RASSF6: variants seen among roughly 807,000 people sequenced by gnomAD.
RASSF6 encodes the protein ras association domain-containing protein 6.
In RASSF6, 52 loss-of-function variants were observed where a neutral mutation model predicts 44.0. That is an observed-to-expected ratio of 1.18 (90% CI 0.95 to 1.49). RASSF6 has a LOEUF of 1.49. RASSF6 is among the 40% of genes most tolerant of loss of function. The pLI is 0.00. For synonymous variants in RASSF6, 162 were observed against 124.6 expected (o/e 1.30, Z -2.00); for missense variants, 464 against 393.3 (o/e 1.18, Z -1.52).
intron 2 of RASSF6, among the ~76,000 whole-genome samples, chr4:73,607,110 C>T (rs1257817682): frequency 6.6e-6 from 1 of 152,352 alleles, no homozygotes; most frequent in Non-Finnish European, 1.5e-5. Flanking sequence ...CTCCTTGCTG[C>T]TATTCAGAGG....
intron 3 of RASSF6, among the ~76,000 whole-genome samples, chr4:73,595,506 C>CTT (rs2149382554): frequency 6.6e-6 from 1 of 152,256 alleles, no homozygotes; most frequent in East Asian, 1.9e-4. Context: ...ACCTGAATAA[C>CTT]TTTTGTATTA....
chr4:73,581,877 G>C lies in RASSF6; in HGVS notation c.670-9C>G. On this transcript the variant is annotated splice_polypyrimidine_tract_variant and intron_variant, in intron 7 of 10. Coordinates refer to ENST00000307439, the MANE Select transcript of RASSF6 (RefSeq NM_177532.5). Reference sequence around the variant, plus strand: ...TGGGGACTATTTTCAATCTGTCAAGGGAAAAAATGAACAAATATAAATTCT... The same window carrying C: ...TGGGGACTATTTTCAATCTGTCAAGCGAAAAAATGAACAAATATAAATTCT... 1 of 1,602,224 alleles carries C rather than the reference G, an allele frequency of 6.2e-7. No homozygotes were observed. The highest frequency in any genetic ancestry group is 8.5e-7 in the Non-Finnish European group (1 of 1,171,020).
intron 3 of RASSF6, among the ~76,000 whole-genome samples, chr4:73,596,898 G>A (rs1416270119): frequency 6.6e-6 from 1 of 152,168 alleles, no homozygotes; most frequent in African/African-American, 2.4e-5. Context: ...AATAAATGGT[G>A]CTCGGATAAC....
chr4:73,595,027 A>C (rs16849727), intron 3 of RASSF6, among the ~76,000 whole-genome samples: 95,636 of 152,042 alleles, frequency 0.63, 31,460 homozygotes, highest in East Asian at 0.88. Flanking sequence ...TTGTCATCCA[A>C]GGACTGCCCC....
chr4:73,588,720 G>C (rs1297376034), intron 4 of RASSF6, among the ~76,000 whole-genome samples: 3 of 151,746 alleles, frequency 2.0e-5, no homozygotes, highest in African/African-American at 7.3e-5. Flanking sequence ...TTGAATCAGT[G>C]CCCTGAAAAT....
chr4:73,613,243 A>G (rs185434846), intron 1 of RASSF6, among the ~76,000 whole-genome samples: 35 of 152,226 alleles, frequency 2.3e-4, no homozygotes, highest in African/African-American at 8.2e-4. Context: ...CACCTGGAGG[A>G]CTCATACCAG....
chr4:73,607,058 C>A (rs1333143727), intron 2 of RASSF6, among the ~76,000 whole-genome samples: 1 of 152,170 alleles, frequency 6.6e-6, no homozygotes, highest in Non-Finnish European at 1.5e-5. Context: ...ATGACTTTCA[C>A]CACTGGTTAT....
At chr4:73,615,353 A>G (rs1726285932) in intron 1 of RASSF6, among the ~76,000 whole-genome samples, 1 of 8,686 alleles carries the variant, frequency 1.2e-4, no homozygotes, top group South Asian at 0.021. Context: ...AATTATAAAG[A>G]CTTGGTAGAT....
intron 3 of RASSF6, among the ~76,000 whole-genome samples, 162 bp from the exon 4 acceptor site, chr4:73,593,755 T>C (rs927305469): frequency 3.3e-5 from 5 of 152,252 alleles, no homozygotes; most frequent in Non-Finnish European, 1.5e-5. Context: ...AAAGCAATTC[T>C]ATTTTTGAAA....
chr4:73,598,559 C>G, intron 3 of RASSF6, 81 bp downstream of exon 3: 1 of 660,228 alleles, frequency 1.5e-6, no homozygotes, highest in Non-Finnish European at 2.4e-6. Flanking sequence ...TCACCTGTTT[C>G]TTCCAGAATT....
chr4:73,595,218 A>G (rs1724848819), intron 3 of RASSF6, among the ~76,000 whole-genome samples: 4 of 152,164 alleles, frequency 2.6e-5, no homozygotes, highest in Admixed American at 6.5e-5. Context: ...TGTGTGTGAC[A>G]GAGTCTCGCT....
chr4:73,576,007 T>C lies in RASSF6; in HGVS notation c.*228A>G. ...TAAAAGCTATTTGGCATATGCAGTA[T>C]TCAAGCTTATTTCAGTTACTGAAAC... On this transcript the variant is annotated 3_prime_UTR_variant, in exon 11 of 11. Transcript: ENST00000307439. 2.5e-6 allele frequency: 1 copy of C among 403,434 alleles called. No homozygotes were observed. The highest frequency in any genetic ancestry group is 4.0e-5 in the East Asian group (1 of 25,182). 25.0% of individuals were successfully genotyped at this position (403,434 alleles called of 1,614,324 possible). A position where few individuals can be genotyped will look rare whatever the true frequency, so the allele number is the denominator to read the frequency against.
chr4:73,576,490 G>A lies in RASSF6; in HGVS notation c.858C>T (p.Asn286=), dbSNP rs1325529971. 1.3e-6 allele frequency: 2 copies of A among 1,578,458 alleles called. No homozygotes were observed. Among genetic ancestry groups the A allele is most frequent in the African/African-American group, 2.7e-5 (2 of 73,372 alleles). ...TGGATTCCAAGAGAGAAAAGTGAAA[G>A]TTAATGTACTGAGCCACCTAAGAAA... ...EISSDVAQYI[N]FHFSLLESIL... is the part of the protein sequence containing the mutation. Residue 286 remains asparagine, a synonymous_variant, in exon 10 of 11, where the codon AAC becomes AAT. Coordinates refer to ENST00000307439, the MANE Select transcript of RASSF6 (RefSeq NM_177532.5).
intron 6 of RASSF6, among the ~76,000 whole-genome samples, chr4:73,583,863 TG>T: frequency 6.6e-6 from 1 of 152,230 alleles, no homozygotes; most frequent in Non-Finnish European, 1.5e-5. Context: ...TCAGCAAGAA[TG>T]TAAAACCAGG....
At chr4:73,598,576 G>GTC (rs869222369) in intron 3 of RASSF6, 64 bp downstream of exon 3, 5 of 769,838 alleles carry the variant, frequency 6.5e-6, no homozygotes, top group Admixed American at 2.9e-5. Context: ...AATTGTGTGT[G>GTC]TGTGTGTGTG....
At chr4:73,599,259 C>T (rs1456518821) in intron 2 of RASSF6, among the ~76,000 whole-genome samples, 2 of 152,200 alleles carry the variant, frequency 1.3e-5, no homozygotes, top group East Asian at 1.9e-4. Flanking sequence ...AAGGCAACCA[C>T]AGAAGTCAAA....
rs1302040336 is a variant in RASSF6 at position 73,580,798 on chromosome 4, G to A, written c.721+1019C>T. ...GCTCTTTGTCAGATGAGTAGGTTGC[G>A]AAAATTTCCTCCCATTTTGTAGGTT... On this transcript the variant is annotated intron_variant, in intron 8 of 10. Transcript: ENST00000307439. 1.9e-4 allele frequency among the ~76,000 whole-genome samples: 16 copies of A among 83,010 alleles called. 4 individuals are homozygous for A. The highest frequency in any genetic ancestry group is 1.4e-3 in the Admixed American group (14 of 10,010). The allele number at this position is 83,010 out of a possible 152,430, so 54.5% of individuals were successfully genotyped here. A position where few individuals can be genotyped will look rare whatever the true frequency, so the allele number is the denominator to read the frequency against.
At chr4:73,576,830 GA>G (rs966894333) in intron 8 of RASSF6, 99 bp from the exon 9 acceptor site, 17 of 759,518 alleles carry the variant, frequency 2.2e-5, no homozygotes, top group Non-Finnish European at 3.4e-5. Flanking sequence ...AACTCACTTT[GA>G]AAAAAATAAC....
At chr4:73,602,005 G>T (rs1015931586) in intron 2 of RASSF6, among the ~76,000 whole-genome samples, 1 of 152,124 alleles carries the variant, frequency 6.6e-6, no homozygotes, top group Admixed American at 6.5e-5. Flanking sequence ...AACCTTGGTT[G>T]GTGAGAATTA....
Sources: allele counts gnomAD v4.1 joint callset (sites outside exome capture counted in the v4.1 genomes callset), GRCh38; gene constraint gnomAD v4.1.1; transcripts MANE v1.5; gene names NCBI Gene and HGNC (gene_info 2026-07-23, HGNC 2026-07-21).